VWA3A: variants seen among roughly 807,000 people sequenced by gnomAD.
VWA3A encodes von Willebrand factor A domain-containing protein 3A.
A neutral mutation model predicts 160.4 loss-of-function variants in VWA3A; 134 were observed. The ratio of observed to expected loss-of-function variants is 0.84; its 90% confidence interval spans 0.73 to 0.96. VWA3A has a LOEUF of 0.96. Among genes scored for constraint, VWA3A ranks in the 40% least tolerant of loss-of-function variants. VWA3A has a pLI of 0.00. For synonymous variants in VWA3A, 476 were observed against 543.4 expected, an observed-to-expected ratio of 0.88 and a Z score of 1.72; for missense variants, 1,310 against 1,447.9, an observed-to-expected ratio of 0.90 and a Z score of 1.55.
At chr16:22,150,022 G>A (rs1406568539) in intron 29 of VWA3A, 91 bp downstream of exon 29, 32 of 1,456,782 alleles carry the variant, frequency 2.2e-5, no homozygotes, top group Non-Finnish European at 2.9e-5. Flanking sequence ...ATTTACAAAG[G>A]GCGCTTTATA....
chr16:22,116,724 C>G, intron 9 of VWA3A, 35 bp from the exon 10 acceptor site: 1 of 1,548,796 alleles, frequency 6.5e-7, no homozygotes, highest in Non-Finnish European at 8.9e-7. Flanking sequence ...GTGGTCTGAC[C>G]TGGGATTTCC....
chr16:22,094,234 G>C (rs959022143), intron 1 of VWA3A, among the ~76,000 whole-genome samples: 2 of 152,094 alleles, frequency 1.3e-5, no homozygotes, highest in African/African-American at 4.8e-5. Context: ...GAGACACTAT[G>C]GGGCGGCCAG....
intron 6 of VWA3A, among the ~76,000 whole-genome samples, chr16:22,104,902 C>T (rs1326150421): frequency 2.0e-5 from 3 of 152,168 alleles, no homozygotes; most frequent in East Asian, 1.9e-4. Flanking sequence ...ATGCTCCCTA[C>T]TCCCAGTCCC....
At chr16:22,147,445 G>A in intron 27 of VWA3A, 5 of 633,390 alleles carry the variant, frequency 7.9e-6, no homozygotes, top group South Asian at 3.5e-5. Flanking sequence ...CTGGACAGGA[G>A]GGGATTCGGG....
At chr16:22,137,071 CTAAA>C (rs59108718) in intron 21 of VWA3A, among the ~76,000 whole-genome samples, 46,802 of 149,542 alleles carry the variant, frequency 0.31, 8,045 homozygotes, top group East Asian at 0.79. Flanking sequence ...GACTCTGTCT[CTAAA>C]TAAATAAATA....
At chr16:22,114,689 G>T (rs1294598285) in intron 8 of VWA3A, among the ~76,000 whole-genome samples, 1 of 152,170 alleles carries the variant, frequency 6.6e-6, no homozygotes, top group Non-Finnish European at 1.5e-5. Flanking sequence ...CAGGCCAGCT[G>T]CAGGGGCTCA....
intron 24 of VWA3A, 125 bp from the exon 25 acceptor site, chr16:22,142,543 T>A (rs1249186578): frequency 3.0e-6 from 2 of 677,204 alleles, no homozygotes; most frequent in African/African-American, 3.6e-5. Flanking sequence ...TCATGAGGGA[T>A]CCGTTCCCAT....
intron 33 of VWA3A, 25 bp from the exon 34 acceptor site, chr16:22,156,007 A>T (rs1160300429): frequency 5.0e-6 from 7 of 1,392,452 alleles, no homozygotes; most frequent in Middle Eastern, 2.3e-4. Context: ...AACTTTGGTT[A>T]AAAAATAATG....
intron 14 of VWA3A, among the ~76,000 whole-genome samples, chr16:22,122,225 G>T: frequency 8.7e-6 from 1 of 114,570 alleles, no homozygotes; most frequent in Non-Finnish European, 1.8e-5. Flanking sequence ...GGGTGGGGGG[G>T]TGGGTGGGTG....
Position 22,123,123 on chromosome 16 carries a change from G to A in VWA3A, c.1395G>A (p.Val465=). The part of the protein sequence containing the change: ...MIQFEWHDGT[V]KNIHVDPPFL... Reference sequence around the variant, plus strand: ...AATTTGAATGGCACGACGGGACAGTGAAGAACATTCATGTGGACCCACCCT... The same window carrying A: ...AATTTGAATGGCACGACGGGACAGTAAAGAACATTCATGTGGACCCACCCT... The change falls in exon 15 of 34, where the codon GTG becomes GTA. Residue 465 remains valine, a synonymous_variant. Transcript: ENST00000389398. 1 of 1,606,334 alleles carries A rather than the reference G, an allele frequency of 6.2e-7. No individual in the cohort carries two copies. The highest frequency in any genetic ancestry group is 8.5e-7 in the Non-Finnish European group (1 of 1,176,314).
chr16:22,094,594 CT>C (rs1372413284), intron 1 of VWA3A, among the ~76,000 whole-genome samples: 1 of 151,752 alleles, frequency 6.6e-6, no homozygotes, highest in African/African-American at 2.4e-5. Context: ...GTAGAGAATT[CT>C]AAGAAACAGG....
In VWA3A at chr16:22,110,971, C is replaced by T. The variant is rs576249380; in HGVS notation, c.666C>T (p.Asp222=). ...FGTNAGSLWP[D]PMEVSASTLQ... ...CCAATGCCGGGTCCCTCTGGCCAGA[C>T]CCCATGGAAGTCAGCGCCTCCACGT... The change falls in exon 8 of 34, where the codon GAC becomes GAT. Residue 222 remains aspartate, a synonymous_variant. Coordinates refer to ENST00000389398, the MANE Select transcript of VWA3A (RefSeq NM_173615.5). The T allele has an allele frequency of 1.2e-6, 2 of 1,609,138 alleles. No homozygotes were observed. The highest frequency in any genetic ancestry group is 1.7e-5 in the Admixed American group (1 of 59,332).
Position 22,092,597 on chromosome 16 carries a change from C to T in VWA3A, c.-41C>T. The T allele has an allele frequency of 6.5e-7, 1 of 1,549,410 alleles. No homozygotes were observed. The highest frequency in any genetic ancestry group is 1.2e-5 in the South Asian group (1 of 83,832). On this transcript the variant is annotated 5_prime_UTR_variant, in exon 1 of 34. Transcript: ENST00000389398. The stretch of plus-strand genomic sequence containing the variant: ...AGTGAGATCCAGGAGAAGTAAGGCC[C>T]TGGAGTGCCAGGAGCCCTTCTCCCA...
intron 1 of VWA3A, among the ~76,000 whole-genome samples, chr16:22,092,903 G>A (rs1049083590): frequency 6.6e-6 from 1 of 152,092 alleles, no homozygotes. Flanking sequence ...TTCCACAGGA[G>A]GAGTGGTTTC....
intron 22 of VWA3A, among the ~76,000 whole-genome samples, chr16:22,139,881 T>TCA (rs141268384): frequency 4.6e-5 from 7 of 151,736 alleles, no homozygotes; most frequent in African/African-American, 7.3e-5. Flanking sequence ...CACTCTCATC[T>TCA]CACACACACA....
chr16:22,152,704 T>G, intron 31 of VWA3A, 70 bp downstream of exon 31: 288 of 1,537,094 alleles, frequency 1.9e-4, no homozygotes, highest in Middle Eastern at 3.6e-4. Context: ...GGCATGGGGT[T>G]TTCCTTCTTG....
rs900328333 is a variant in VWA3A, at chr16:22,098,911, C to CAAAA, written c.225+1240_225+1243dup. On this transcript the variant is annotated intron_variant, in intron 3 of 33. Coordinates refer to ENST00000389398, the MANE Select transcript of VWA3A (RefSeq NM_173615.5). ...GCAACATGGTGAAACCCTGTTTCCA[C>CAAAA]AAAAAAAAAAAAAAAAAAAAAAAAA... 1.2e-3 allele frequency among the ~76,000 whole-genome samples: 51 copies of CAAAA among 41,054 alleles called. 2 individuals are homozygous for CAAAA. Among genetic ancestry groups the CAAAA allele is most frequent in the Non-Finnish European group, 1.8e-3 (40 of 21,974 alleles). 26.9% of individuals were successfully genotyped at this position (41,054 alleles called of 152,430 possible). A position where few individuals can be genotyped will look rare whatever the true frequency, so the allele number is the denominator to read the frequency against.
chr16:22,103,090 G>A (rs1023407672), intron 5 of VWA3A, among the ~76,000 whole-genome samples: 3 of 152,238 alleles, frequency 2.0e-5, no homozygotes, highest in African/African-American at 7.2e-5. Flanking sequence ...CTTGAGTGCA[G>A]TGGAACAATC....
At chr16:22,132,876 C>A in intron 19 of VWA3A, 24 bp from the exon 20 acceptor site, 1 of 1,601,878 alleles carries the variant, frequency 6.2e-7, no homozygotes, top group Admixed American at 1.7e-5. Context: ...CTGCTGGCCC[C>A]TCCTACCTTC....
Sources: allele counts gnomAD v4.1 joint callset (sites outside exome capture counted in the v4.1 genomes callset), GRCh38; gene constraint gnomAD v4.1.1; transcripts MANE v1.5; gene names NCBI Gene and HGNC (gene_info 2026-07-23, HGNC 2026-07-21).